Variants in TMC2 observed in about 807,000 individuals in gnomAD.
TMC2 encodes transmembrane channel like 2, also known as transmembrane channel-like protein 2.
TMC2 carries 102 observed loss-of-function variants against 105.9 expected under a neutral mutation model. The observed-to-expected ratio is 0.96, with a 90% CI of 0.82 to 1.14. TMC2 has a LOEUF of 1.14. Ranked by LOEUF, TMC2 falls within the 50% of genes most tolerant of loss-of-function variation. TMC2 has a pLI of 0.00. For missense variants in TMC2, 1,093 were observed against 1,134.3 expected (o/e 0.96, Z 0.52); for synonymous variants, 402 against 422.8 (o/e 0.95, Z 0.60).
chr20:2,555,722 T>C (rs1568503650), intron 2 of TMC2, among the ~76,000 whole-genome samples: 1 of 152,266 alleles, frequency 6.6e-6, no homozygotes, highest in Non-Finnish European at 1.5e-5. Flanking sequence ...CCTATTTTTA[T>C]CTTCCACTCT....
At chr20:2,576,234 A>C (rs547324911) in intron 5 of TMC2, among the ~76,000 whole-genome samples, 1 of 152,138 alleles carries the variant, frequency 6.6e-6, no homozygotes, top group Admixed American at 6.5e-5. Context: ...CTAACAACCC[A>C]TCCTAGGACC....
chr20:2,589,508 A>G (rs2146208185), intron 7 of TMC2, among the ~76,000 whole-genome samples: 1 of 152,166 alleles, frequency 6.6e-6, no homozygotes, highest in East Asian at 1.9e-4. Flanking sequence ...ATTGAAATCA[A>G]CGAATAACTC....
At chr20:2,605,473 G>GGA (rs140043829) in intron 11 of TMC2, among the ~76,000 whole-genome samples, 12 of 150,714 alleles carry the variant, frequency 8.0e-5, no homozygotes, top group East Asian at 1.9e-4. Flanking sequence ...GCATGTGCAT[G>GGA]GAGAGAGAGA....
intron 2 of TMC2, among the ~76,000 whole-genome samples, chr20:2,555,947 C>T (rs921724687): frequency 2.6e-5 from 4 of 152,186 alleles, no homozygotes; most frequent in Non-Finnish European, 5.9e-5. Flanking sequence ...GTCTCCCTCC[C>T]ATCTCTTTGA....
At chr20:2,563,263 C>T (rs1002738644) in intron 4 of TMC2, among the ~76,000 whole-genome samples, 6 of 152,270 alleles carry the variant, frequency 3.9e-5, no homozygotes, top group South Asian at 4.1e-4. Flanking sequence ...AACACTGGGC[C>T]GACCCCGACA....
Position 2,558,237 on chromosome 20 carries a change from C to G in TMC2, c.83-219C>G, listed in dbSNP as rs953746162. ...TTCAAGGGAGACGGGAGGGAGAAGG[C>G]CAGAGAGTGACCTTCCTGCTTCTGC... On this transcript the variant is annotated intron_variant, in intron 2 of 19. Coordinates refer to ENST00000358864, the MANE Select transcript of TMC2 (RefSeq NM_080751.3). This position sits in a 1 kb window ranked among gnomAD's most constrained non-coding sequence, Gnocchi z 4.6. 15 of 1,140,706 alleles carry G rather than the reference C, an allele frequency of 1.3e-5. No homozygotes were observed. The South Asian group carries it at 1.3e-4, about 10-fold the overall frequency. 70.7% of individuals were successfully genotyped at this position (1,140,706 alleles called of 1,614,324 possible).
At position 2,624,378 on chromosome 20, in the gene TMC2, C is replaced by T; in HGVS notation, c.2288C>T (p.Pro763Leu). 2 of 1,613,906 alleles carry T rather than the reference C, an allele frequency of 1.2e-6. No individual in the cohort carries two copies. Among genetic ancestry groups the T allele is most frequent in the Non-Finnish European group, 1.7e-6 (2 of 1,179,920 alleles). ...CTCGCCAATCCAGGCCTGATCATCC[C>T]AGCCATCCTGCTGATGTTGTAAGTT... ...AFLANPGLII[P>L]AILLMFLAIY... Residue 763 changes from proline (P) to leucine (L), a missense_variant, in exon 17 of 20, where the codon CCA becomes CTA. Pro to Leu is a moderately conservative substitution (Grantham distance 98). Coordinates refer to ENST00000358864, the MANE Select transcript of TMC2 (RefSeq NM_080751.3).
intron 16 of TMC2, among the ~76,000 whole-genome samples, chr20:2,618,742 G>T (rs189961008): frequency 6.6e-6 from 1 of 152,202 alleles, no homozygotes. Context: ...TGCCAACTCC[G>T]TAAAGAGAGG....
chr20:2,543,617 A>G (rs2085905133), intron 2 of TMC2, among the ~76,000 whole-genome samples: 1 of 152,206 alleles, frequency 6.6e-6, no homozygotes. Context: ...AGATGCCTAG[A>G]AAAATAAAGA....
chr20:2,548,138 T>C (rs62195062), intron 2 of TMC2, among the ~76,000 whole-genome samples: 9,427 of 152,308 alleles, frequency 0.062, 402 homozygotes, highest in Non-Finnish European at 0.092. Flanking sequence ...ATCAGCATTT[T>C]AGACTAGCAG....
At chr20:2,581,718 A>G (rs1165972521) in intron 7 of TMC2, among the ~76,000 whole-genome samples, 2 of 152,260 alleles carry the variant, frequency 1.3e-5, no homozygotes, top group Non-Finnish European at 2.9e-5. Flanking sequence ...TTTGCTGTGC[A>G]GTGGTCCATA....
chr20:2,605,627 A>C (rs894598476), intron 11 of TMC2, among the ~76,000 whole-genome samples: 1 of 152,228 alleles, frequency 6.6e-6, no homozygotes, highest in Non-Finnish European at 1.5e-5. Context: ...TTAGGACTTC[A>C]AGATACAAAT....
Position 2,616,337 on chromosome 20 carries a change from T to G in TMC2, c.1940+133T>G. 2.7e-6 allele frequency: 2 copies of G among 728,790 alleles called. No homozygotes were observed. The highest frequency in any genetic ancestry group is 4.8e-6 in the Non-Finnish European group (2 of 412,560). 45.1% of individuals were successfully genotyped at this position (728,790 alleles called of 1,614,324 possible). A position where few individuals can be genotyped will look rare whatever the true frequency, so the allele number is the denominator to read the frequency against. ...CCTCTCTGAACTCCCCTCTTTCACA[T>G]GAAAAATCAAGAGCGGGACTAGATG... On this transcript the variant is annotated intron_variant, in intron 15 of 19. Transcript: ENST00000358864. The surrounding 1 kb of genome is among the most constrained non-coding windows in gnomAD (Gnocchi z 4.8).
At chr20:2,562,787 A>C (rs2086036291) in intron 4 of TMC2, among the ~76,000 whole-genome samples, 1 of 152,122 alleles carries the variant, frequency 6.6e-6, no homozygotes, top group Non-Finnish European at 1.5e-5. Context: ...CTCTACTAAA[A>C]AGACAAAAAT....
chr20:2,608,937 C>T (rs1319612291), intron 11 of TMC2, among the ~76,000 whole-genome samples: 1 of 152,130 alleles, frequency 6.6e-6, no homozygotes, highest in Non-Finnish European at 1.5e-5. Flanking sequence ...GTGACTCACA[C>T]ATAGTAAGTG....
At chr20:2,587,902 C>T (rs1051471239) in intron 7 of TMC2, among the ~76,000 whole-genome samples, 1 of 152,126 alleles carries the variant, frequency 6.6e-6, no homozygotes, top group Non-Finnish European at 1.5e-5. Context: ...TTCCCAATCT[C>T]CCCAATTCCC....
At position 2,641,677 on chromosome 20, in the gene TMC2, C is replaced by T. The variant is rs548958635; in HGVS notation, c.*326C>T. On this transcript the variant is annotated 3_prime_UTR_variant, in exon 20 of 20. Coordinates refer to ENST00000358864, the MANE Select transcript of TMC2 (RefSeq NM_080751.3). ...CGGAGTTGGGGAAGGGCCATGACCA[C>T]CCTCGTAGACTTTTTCCATGGGATA... 377 of 279,246 alleles carry T rather than the reference C, an allele frequency of 1.4e-3. No individual in the cohort carries two copies. The highest frequency in any genetic ancestry group is 2.2e-3 in the Non-Finnish European group (317 of 144,554). The allele number at this position is 279,246 out of a possible 1,614,324, so 17.3% of individuals were successfully genotyped here. A position where few individuals can be genotyped will look rare whatever the true frequency, so the allele number is the denominator to read the frequency against.
intron 8 of TMC2, 35 bp from the exon 9 acceptor site, chr20:2,594,790 A>G: frequency 6.2e-7 from 1 of 1,607,890 alleles, no homozygotes; most frequent in Non-Finnish European, 8.5e-7. Flanking sequence ...CTCTGAGCTT[A>G]CCAACCCAGA....
At chr20:2,625,215 T>C (rs931391896) in intron 17 of TMC2, among the ~76,000 whole-genome samples, 1 of 152,220 alleles carries the variant, frequency 6.6e-6, no homozygotes, top group Non-Finnish European at 1.5e-5. Flanking sequence ...TTTGGCATGC[T>C]TTTTTAAAAA....
Sources: allele counts gnomAD v4.1 joint callset (sites outside exome capture counted in the v4.1 genomes callset), GRCh38; gene constraint gnomAD v4.1.1; non-coding constraint Gnocchi (gnomAD v3.1); transcripts MANE v1.5; gene names NCBI Gene and HGNC (gene_info 2026-07-23, HGNC 2026-07-21).